ZNF69: variants seen among roughly 807,000 people sequenced by gnomAD.
The protein encoded by ZNF69 is zinc finger protein 69.
A neutral mutation model predicts 50.9 loss-of-function variants in ZNF69; 47 were observed. The observed-to-expected ratio is 0.92, with a 90% CI of 0.73 to 1.18. The LOEUF is 1.18. Among genes scored for constraint, ZNF69 ranks in the 50% most tolerant of loss-of-function variants. The probability of loss-of-function intolerance (pLI) is 0.00; values close to 1 mark genes in which losing one functional copy is unlikely to be tolerated. For synonymous variants in ZNF69, 216 were observed against 223.1 expected (o/e 0.97, Z 0.29); for missense variants, 717 against 675.1 (o/e 1.06, Z -0.69).
chr19:11,942,709 T>C, the ZNF69 span, among the ~76,000 whole-genome samples: 1 of 152,224 alleles, frequency 6.6e-6, no homozygotes, highest in South Asian at 2.1e-4. Flanking sequence ...AGAAAGACTT[T>C]CACAGTGCTT....
rs972474422 is a variant in ZNF69, at chr19:11,912,028, A to G, written c.449-1381A>G. 3.3e-5 allele frequency among the ~76,000 whole-genome samples: 5 copies of G among 152,034 alleles called. No individual in the cohort carries two copies. In the East Asian group the frequency reaches 7.7e-4, roughly 23 times the overall value. On this transcript the variant is annotated intron_variant, in intron 4 of 4. Coordinates refer to the ZNF69 transcript ENST00000340180. ...AGGACTCACACTGGAGAGAAACCCTATGAGTGTAAGCAATGTGGAAAAGCC... is the reference window on the plus strand; with the variant it reads ...AGGACTCACACTGGAGAGAAACCCTGTGAGTGTAAGCAATGTGGAAAAGCC...
the ZNF69 span, among the ~76,000 whole-genome samples, chr19:11,946,218 C>T: frequency 3.9e-5 from 6 of 152,108 alleles, no homozygotes; most frequent in South Asian, 2.1e-4. Flanking sequence ...AGTCTTAGAT[C>T]GTAAATGAGC....
At chr19:11,958,491 AC>A in the ZNF69 span, among the ~76,000 whole-genome samples, 1 of 152,192 alleles carries the variant, frequency 6.6e-6, no homozygotes, top group Admixed American at 6.5e-5. Context: ...GGTGTCAGAA[AC>A]AAAAGACACC....
the ZNF69 span, among the ~76,000 whole-genome samples, chr19:11,920,496 T>C: frequency 6.6e-6 from 1 of 152,126 alleles, no homozygotes; most frequent in Non-Finnish European, 1.5e-5. Context: ...CCCAAGGTGG[T>C]CATAGGCCAA....
At chr19:11,935,268 G>T in the ZNF69 span, among the ~76,000 whole-genome samples, 1 of 135,714 alleles carries the variant, frequency 7.4e-6, no homozygotes, top group Non-Finnish European at 1.6e-5. Flanking sequence ...ACTGTGTCTG[G>T]CTCTGTTGCC....
chr19:11,900,840 C>T lies in ZNF69; in HGVS notation c.64-2733C>T, dbSNP rs374197837. 3.9e-4 allele frequency among the ~76,000 whole-genome samples: 60 copies of T among 152,228 alleles called. No individual in the cohort carries two copies. In the East Asian group the frequency reaches 9.2e-3, roughly 23 times the overall value. On this transcript the variant is annotated intron_variant, in intron 1 of 3. Coordinates refer to ENST00000429654, the MANE Select transcript of ZNF69 (RefSeq NM_001364730.1). ...TTGTTTTGAATGAAGTCCAATTTAT[C>T]GATTTTCTCATTCACAGATCATGCT...
the ZNF69 span, among the ~76,000 whole-genome samples, chr19:11,960,352 C>T: frequency 6.6e-6 from 1 of 152,216 alleles, no homozygotes; most frequent in Non-Finnish European, 1.5e-5. Flanking sequence ...GACAACCTTG[C>T]TCTGTAGCCC....
chr19:11,974,080 T>A, the ZNF69 span, among the ~76,000 whole-genome samples: 8,582 of 82,924 alleles, frequency 0.1, 386 homozygotes, highest in African/African-American at 0.22. Context: ...TTTCTTTCTT[T>A]CTTTCTTTCT....
the ZNF69 span, chr19:11,977,571 A>T: frequency 8.9e-7 from 1 of 1,129,358 alleles, no homozygotes; most frequent in East Asian, 2.6e-5. Flanking sequence ...TCATATATTT[A>T]CATGTGACTA....
chr19:11,893,849 A>C (rs1977155959), intron 1 of ZNF69, among the ~76,000 whole-genome samples: 1 of 152,194 alleles, frequency 6.6e-6, no homozygotes, highest in Non-Finnish European at 1.5e-5. Flanking sequence ...TCCAATTTCC[A>C]TTAATTGGAG....
the ZNF69 span, among the ~76,000 whole-genome samples, chr19:11,945,947 C>T: frequency 2.0e-5 from 3 of 152,000 alleles, no homozygotes; most frequent in South Asian, 2.1e-4. Flanking sequence ...CGTGTGGCTT[C>T]GATTATATCA....
the ZNF69 span, among the ~76,000 whole-genome samples, chr19:11,963,088 A>AGTGTGTGTGTGTGT: frequency 1.0e-3 from 143 of 138,290 alleles, no homozygotes; most frequent in South Asian, 2.4e-3. Flanking sequence ...AGAGAGAGAG[A>AGTGTGTGTGTGTGT]GTGTGTGTGT....
the ZNF69 span, among the ~76,000 whole-genome samples, chr19:11,967,499 G>C: frequency 6.6e-6 from 1 of 152,050 alleles, no homozygotes; most frequent in Non-Finnish European, 1.5e-5. Flanking sequence ...CCACCTCCCG[G>C]GTTCACGCCA....
the ZNF69 span, among the ~76,000 whole-genome samples, chr19:11,971,467 C>G: frequency 6.6e-6 from 1 of 152,146 alleles, no homozygotes; most frequent in Non-Finnish European, 1.5e-5. Context: ...ACCCTCCAAC[C>G]ATATTCTATA....
At chr19:11,945,941 T>G in the ZNF69 span, among the ~76,000 whole-genome samples, 1 of 152,150 alleles carries the variant, frequency 6.6e-6, no homozygotes, top group Non-Finnish European at 1.5e-5. Context: ...GAGACTCGTG[T>G]GGCTTCGATT....
At chr19:11,941,295 G>A in the ZNF69 span, among the ~76,000 whole-genome samples, 142 of 152,358 alleles carry the variant, frequency 9.3e-4, 1 homozygote, top group Middle Eastern at 6.8e-3. Context: ...CCATGCGCCC[G>A]CACTCCTCAG....
At chr19:11,944,131 T>G in the ZNF69 span, among the ~76,000 whole-genome samples, 2 of 152,148 alleles carry the variant, frequency 1.3e-5, no homozygotes. Flanking sequence ...AATAAGCTAA[T>G]GGGGCGTTTC....
At chr19:11,893,614 A>C (rs1447961307) in intron 1 of ZNF69, among the ~76,000 whole-genome samples, 1 of 152,192 alleles carries the variant, frequency 6.6e-6, no homozygotes, top group Non-Finnish European at 1.5e-5. Flanking sequence ...ATGTGTCTTC[A>C]GTGCACCCTC....
chr19:11,942,500 G>A, the ZNF69 span, among the ~76,000 whole-genome samples: 1 of 152,230 alleles, frequency 6.6e-6, no homozygotes, highest in East Asian at 1.9e-4. Context: ...TCAGACACTG[G>A]GTTAGAGAAG....
Sources: allele counts gnomAD v4.1 joint callset (sites outside exome capture counted in the v4.1 genomes callset), GRCh38; gene constraint gnomAD v4.1.1; transcripts MANE v1.5; gene names NCBI Gene and HGNC (gene_info 2026-07-23, HGNC 2026-07-21).